Variants in ATP6V1C2 observed in about 807,000 individuals in gnomAD.
The protein encoded by ATP6V1C2 is ATPase H+ transporting V1 subunit C2.
Under a neutral mutation model 56.8 loss-of-function variants are expected in ATP6V1C2, and 45 were observed. That is an observed-to-expected ratio of 0.79 (90% CI 0.62 to 1.02). The LOEUF is 1.02. ATP6V1C2 is among the 50% of genes least tolerant of loss of function. The pLI is 0.00. For synonymous variants in ATP6V1C2, 220 were observed against 201.3 expected (o/e 1.09, Z -0.79); for missense variants, 463 against 519.7 (o/e 0.89, Z 1.06).
chr2:10,754,046 A>G lies in ATP6V1C2; in HGVS notation c.263A>G (p.Glu88Gly). 1 of 1,605,424 alleles carries G rather than the reference A, an allele frequency of 6.2e-7. No homozygotes were observed. The highest frequency in any genetic ancestry group is 1.7e-4 in the Middle Eastern group (1 of 6,038). ...VMEDSKGKVQ[E>G]HLLANGVDLT... is the part of the protein sequence containing the mutation. ...GAGGACTCAAAGGGGAAGGTCCAGGAGCACCTCCTGGCAAACGGAGGTAGG... is the reference window on the plus strand; with the variant it reads ...GAGGACTCAAAGGGGAAGGTCCAGGGGCACCTCCTGGCAAACGGAGGTAGG... Residue 88 changes from glutamate (E) to glycine (G), a missense_variant, in exon 4 of 14, where the codon GAG becomes GGG. Coordinates refer to ENST00000272238, the MANE Select transcript of ATP6V1C2 (RefSeq NM_001039362.2).
In ATP6V1C2 at chr2:10,784,472, G is replaced by A. The variant is rs1273792869; in HGVS notation, c.*1209G>A. On this transcript the variant is annotated 3_prime_UTR_variant, in exon 14 of 14. Coordinates refer to ENST00000272238, the MANE Select transcript of ATP6V1C2 (RefSeq NM_001039362.2). ...CAGTCTGACTCCTACCCTGACCTTC[G>A]TACCTATGATTATACGGATGGAAAA... 6.8e-6 allele frequency: 4 copies of A among 589,730 alleles called. No individual in the cohort carries two copies. Among genetic ancestry groups the A allele is most frequent in the African/African-American group, 5.6e-5 (3 of 53,622 alleles). 36.5% of individuals were successfully genotyped at this position (589,730 alleles called of 1,614,324 possible). A position where few individuals can be genotyped will look rare whatever the true frequency, so the allele number is the denominator to read the frequency against.
In ATP6V1C2 at chr2:10,765,913, G is replaced by A. The variant is rs139308016; in HGVS notation, c.378+1488G>A. 5.3e-3 allele frequency among the ~76,000 whole-genome samples: 800 copies of A among 152,328 alleles called. 10 individuals are homozygous for A. Among genetic ancestry groups the A allele is most frequent in the Middle Eastern group, 0.014 (4 of 294 alleles). Reference sequence around the variant, plus strand: ...TTCTCCAGTCCAGAGCACCCCTAGAGTGCCTTTGGCAGGAAGGAAGGAGGG... The same window carrying A: ...TTCTCCAGTCCAGAGCACCCCTAGAATGCCTTTGGCAGGAAGGAAGGAGGG... On this transcript the variant is annotated intron_variant, in intron 5 of 13. Coordinates refer to ENST00000272238, the MANE Select transcript of ATP6V1C2 (RefSeq NM_001039362.2).
In ATP6V1C2 at chr2:10,784,926, G is replaced by A. The variant is rs781295812; in HGVS notation, c.*1663G>A. 1.3e-6 allele frequency: 2 copies of A among 1,562,654 alleles called. No homozygotes were observed. The highest frequency in any genetic ancestry group is 1.7e-6 in the Non-Finnish European group (2 of 1,147,744). ...GCTGCCCGCACAGCTTCCCTCCCGGGCACTCACCTCGCCATCCCTGCCGTC... is the reference window on the plus strand; with the variant it reads ...GCTGCCCGCACAGCTTCCCTCCCGGACACTCACCTCGCCATCCCTGCCGTC... On this transcript the variant is annotated 3_prime_UTR_variant, in exon 14 of 14. Transcript: ENST00000272238.
chr2:10,778,104 C>G (rs1665116039), intron 11 of ATP6V1C2, among the ~76,000 whole-genome samples: 1 of 152,174 alleles, frequency 6.6e-6, no homozygotes, highest in Admixed American at 6.5e-5. Flanking sequence ...GGCTCTTGCT[C>G]CAAGACTCTT....
intron 3 of ATP6V1C2, among the ~76,000 whole-genome samples, chr2:10,746,701 C>T (rs530371865): frequency 3.9e-5 from 6 of 152,234 alleles, no homozygotes; most frequent in South Asian, 4.1e-4. Context: ...TGAGCCACCC[C>T]GCCCAACCGT....
At position 10,772,514 on chromosome 2, in the gene ATP6V1C2, A is replaced by G. The variant is rs753809982; in HGVS notation, c.570-28A>G. On this transcript the variant is annotated intron_variant, in intron 7 of 13. Coordinates refer to ENST00000272238, the MANE Select transcript of ATP6V1C2 (RefSeq NM_001039362.2). Reference sequence around the variant, plus strand: ...CACCCACGAGCCTTTTCTGCAAAAAATCACGTAACGATTCTATGTTCTTGC... The same window carrying G: ...CACCCACGAGCCTTTTCTGCAAAAAGTCACGTAACGATTCTATGTTCTTGC... 1.0e-5 allele frequency: 16 copies of G among 1,602,356 alleles called. No individual in the cohort carries two copies. In the South Asian group the frequency reaches 1.7e-4, roughly 17 times the overall value.
Position 10,779,442 on chromosome 2 carries a change from T to C in ATP6V1C2, c.1061+773T>C, listed in dbSNP as rs1410202103. ...ATAAAAAAAAAAATATATATATATA[T>C]GTATGTATATATATATATATATGCC... On this transcript the variant is annotated intron_variant, in intron 12 of 13. Coordinates refer to ENST00000272238, the MANE Select transcript of ATP6V1C2 (RefSeq NM_001039362.2). 4.0e-5 allele frequency among the ~76,000 whole-genome samples: 4 copies of C among 99,524 alleles called. No individual in the cohort carries two copies. In the South Asian group the frequency reaches 1.0e-3, roughly 25 times the overall value. 65.3% of individuals were successfully genotyped at this position (99,524 alleles called of 152,430 possible).
In ATP6V1C2 at chr2:10,746,422, C is replaced by CT. The variant is rs1174575434; in HGVS notation, c.198-7551dup. ...CCTTTTTTTTTTCTTCTTCTTTTTT[C>CT]TTTTTTTTGAGACAGAGTCTCCCTC... On this transcript the variant is annotated intron_variant, in intron 3 of 13. Coordinates refer to ENST00000272238, the MANE Select transcript of ATP6V1C2 (RefSeq NM_001039362.2). Among the ~76,000 whole-genome samples the CT allele has an allele frequency of 8.6e-3, 1,136 of 132,620 alleles. 13 individuals are homozygous for CT. Among genetic ancestry groups the CT allele is most frequent in the African/African-American group, 0.03 (1,087 of 35,948 alleles). 87.0% of individuals were successfully genotyped at this position (132,620 alleles called of 152,430 possible).
intron 5 of ATP6V1C2, among the ~76,000 whole-genome samples, chr2:10,766,587 TTTTG>T (rs1210648313): frequency 2.0e-5 from 3 of 152,218 alleles, no homozygotes; most frequent in African/African-American, 4.8e-5. Flanking sequence ...TTTTTCGTTT[TTTTG>T]TTTTTCAAAA....
chr2:10,726,677 G>A, intron 3 of ATP6V1C2, 108 bp downstream of exon 3: 8 of 1,040,414 alleles, frequency 7.7e-6, no homozygotes, highest in Non-Finnish European at 1.2e-5. Context: ...TCTAGACCTG[G>A]TTCCAAAAGT....
chr2:10,753,537 T>A (rs1181850179), intron 3 of ATP6V1C2, among the ~76,000 whole-genome samples: 2 of 151,954 alleles, frequency 1.3e-5, no homozygotes, highest in African/African-American at 4.8e-5. Context: ...TTAGCATTTT[T>A]TTTTTTTTTT....
At chr2:10,774,716 C>G in intron 8 of ATP6V1C2, 72 bp from the exon 9 acceptor site, 1 of 1,354,226 alleles carries the variant, frequency 7.4e-7, no homozygotes, top group Non-Finnish European at 1.1e-6. Flanking sequence ...CCACCAGGCC[C>G]GGGGCCTCTG....
chr2:10,760,706 A>G (rs1293043322), intron 4 of ATP6V1C2, among the ~76,000 whole-genome samples: 1 of 152,196 alleles, frequency 6.6e-6, no homozygotes, highest in South Asian at 2.1e-4. Context: ...TGCCACATGC[A>G]CCCCATGGTC....
intron 8 of ATP6V1C2, among the ~76,000 whole-genome samples, chr2:10,774,490 C>T (rs1031974449): frequency 4.6e-5 from 7 of 152,212 alleles, no homozygotes; most frequent in Admixed American, 2.0e-4. Context: ...GCTGTGGTGA[C>T]GGAGGCCCAG....
At chr2:10,777,166 G>A (rs1665046651) in intron 10 of ATP6V1C2, among the ~76,000 whole-genome samples, 2 of 152,208 alleles carry the variant, frequency 1.3e-5, no homozygotes, top group South Asian at 2.1e-4. Flanking sequence ...TCTGCATGCC[G>A]AGGTGCCCCC....
At chr2:10,771,121 G>A (rs1232125384) in intron 6 of ATP6V1C2, among the ~76,000 whole-genome samples, 3 of 152,214 alleles carry the variant, frequency 2.0e-5, no homozygotes, top group African/African-American at 7.2e-5. Flanking sequence ...AAGAAGCCAC[G>A]CAGGCTCCCT....
intron 13 of ATP6V1C2, 48 bp downstream of exon 13, chr2:10,782,423 A>T (rs750212168): frequency 4.9e-5 from 78 of 1,599,328 alleles, no homozygotes; most frequent in Non-Finnish European, 5.1e-6. Flanking sequence ...TCAGCATCTT[A>T]CTTTCAAAAA....
intron 2 of ATP6V1C2, among the ~76,000 whole-genome samples, chr2:10,723,406 G>A (rs887372092): frequency 6.6e-6 from 1 of 152,114 alleles, no homozygotes; most frequent in Non-Finnish European, 1.5e-5. Context: ...TGACCTGGGG[G>A]CAGGGGAGGA....
At chr2:10,768,946 T>A in intron 6 of ATP6V1C2, 136 bp downstream of exon 6, 1 of 695,952 alleles carries the variant, frequency 1.4e-6, no homozygotes, top group Non-Finnish European at 2.5e-6. Context: ...GTGGAGGCAC[T>A]CTCACCTCTC....
Sources: allele counts gnomAD v4.1 joint callset (sites outside exome capture counted in the v4.1 genomes callset), GRCh38; gene constraint gnomAD v4.1.1; transcripts MANE v1.5; gene names NCBI Gene and HGNC (gene_info 2026-07-23, HGNC 2026-07-21).